The following PIK3C2G variants were observed in gnomAD, a reference collection of about 807,000 sequenced individuals.
The protein encoded by PIK3C2G is phosphatidylinositol-4-phosphate 3-kinase catalytic subunit type 2 gamma.
PIK3C2G carries 168 observed loss-of-function variants against 181.1 expected under a neutral mutation model. The ratio of observed to expected loss-of-function variants is 0.93; its 90% CI spans 0.82 to 1.05. The LOEUF (loss-of-function observed/expected upper bound fraction) is 1.05, where lower values mean the gene tolerates loss of function less well. PIK3C2G is among the 50% of genes least tolerant of loss of function. The pLI, the probability that PIK3C2G is intolerant of heterozygous loss-of-function variation, is 0.00. For missense variants in PIK3C2G, 1,869 were observed against 1,732.8 expected, an observed-to-expected ratio of 1.08 and a Z score of -1.40; for synonymous variants, 573 against 592.2, an observed-to-expected ratio of 0.97 and a Z score of 0.47.
At chr12:18,293,234 T>C (rs540740611) in intron 4 of PIK3C2G, among the ~76,000 whole-genome samples, 1 of 152,252 alleles carries the variant, frequency 6.6e-6, no homozygotes, top group South Asian at 2.1e-4. Flanking sequence ...ACTGTGCTAT[T>C]ATAAATCCTA....
the PIK3C2G span, among the ~76,000 whole-genome samples, chr12:18,673,271 T>C: frequency 3.0e-4 from 45 of 152,106 alleles, no homozygotes; most frequent in African/African-American, 1.1e-3. Flanking sequence ...CCCACTGTAA[T>C]CCCTACAACA....
chr12:18,632,486 T>C (rs1371433192), intron 31 of PIK3C2G, among the ~76,000 whole-genome samples: 1 of 152,124 alleles, frequency 6.6e-6, no homozygotes. Flanking sequence ...GATAGAGATA[T>C]AGAAAACAGA....
At chr12:18,564,557 A>G (rs1418766615) in intron 28 of PIK3C2G, among the ~76,000 whole-genome samples, 1 of 151,990 alleles carries the variant, frequency 6.6e-6, no homozygotes, top group Non-Finnish European at 1.5e-5. Context: ...GAAAAAAAAA[A>G]CTGTACTGGC....
chr12:18,354,141 G>C (rs1021222005), intron 11 of PIK3C2G, among the ~76,000 whole-genome samples: 6 of 152,244 alleles, frequency 3.9e-5, no homozygotes, highest in African/African-American at 1.4e-4. Flanking sequence ...CTTTCTAGGA[G>C]AGTTCAAATA....
Position 18,346,786 on chromosome 12 carries a change from C to T in PIK3C2G, c.1575C>T (p.Leu525=), listed in dbSNP as rs760361982. Residue 525 remains leucine (L), a synonymous_variant, in exon 11 of 33, where the codon CTC becomes CTT. Transcript: ENST00000538779. ...SYLNPGLPSH[L]SFTVYAAHNI... ...TAAATCCCGGGCTTCCTTCCCACCT[C>T]AGCTTCACAGTGTATGCAGCACACA... 3 of 1,613,720 alleles carry T rather than the reference C, an allele frequency of 1.9e-6. No individual in the cohort carries two copies. In the South Asian group the frequency reaches 3.3e-5, roughly 18 times the overall value.
At chr12:18,517,726 CT>C (rs1189491413) in intron 24 of PIK3C2G, among the ~76,000 whole-genome samples, 1 of 152,092 alleles carries the variant, frequency 6.6e-6, no homozygotes, top group Non-Finnish European at 1.5e-5. Context: ...CTCTTTATTT[CT>C]TTTCTTGCCT....
At chr12:18,441,433 A>G (rs1946740977) in intron 18 of PIK3C2G, among the ~76,000 whole-genome samples, 1 of 152,112 alleles carries the variant, frequency 6.6e-6, no homozygotes, top group African/African-American at 2.4e-5. Context: ...TGCTTTTTAA[A>G]TATACTGGTG....
In PIK3C2G at chr12:18,361,037, C is replaced by G. The variant is rs76011760; in HGVS notation, c.1626-1727C>G. On this transcript the variant is annotated intron_variant, in intron 11 of 32. Coordinates refer to ENST00000538779, the MANE Select transcript of PIK3C2G (RefSeq NM_001288772.2). ...TGATATATTGGCCGGCTTGACGGTG[C>G]CCATTATTCTCTTTGGCTTTCTTCA... is the stretch of plus-strand genomic sequence containing the variant. Among the ~76,000 whole-genome samples the G allele has an allele frequency of 2.0e-5, 3 of 151,998 alleles. No individual in the cohort carries two copies. In the East Asian group the frequency reaches 5.8e-4, roughly 29 times the overall value.
At chr12:18,459,670 T>C (rs929842756) in intron 18 of PIK3C2G, among the ~76,000 whole-genome samples, 2 of 152,196 alleles carry the variant, frequency 1.3e-5, no homozygotes, top group South Asian at 4.1e-4. Context: ...TATGCCTAAA[T>C]TGAATGGACA....
chr12:18,611,514 T>G (rs958117427), intron 31 of PIK3C2G, among the ~76,000 whole-genome samples: 2 of 152,104 alleles, frequency 1.3e-5, no homozygotes, highest in Admixed American at 1.3e-4. Flanking sequence ...AATCTACAAT[T>G]CCAGCTTGGA....
chr12:18,455,899 C>A (rs1592304502), intron 18 of PIK3C2G, among the ~76,000 whole-genome samples: 2 of 152,210 alleles, frequency 1.3e-5, no homozygotes, highest in East Asian at 3.9e-4. Context: ...TTCATTATAT[C>A]CTTTAAAGAA....
Position 18,262,054 on chromosome 12 carries a change from T to C in PIK3C2G, c.-79+477T>C, listed in dbSNP as rs1447776779. 7.2e-5 allele frequency among the ~76,000 whole-genome samples: 11 copies of C among 152,236 alleles called. No homozygotes were observed. The East Asian group carries it at 1.2e-3, about 16-fold the overall frequency. ...TTCTTGTTAAATGGAAGGTGGAATT[T>C]CTTAACATATGGGATCCAAACTAGA... On this transcript the variant is annotated intron_variant, in intron 1 of 32. Coordinates refer to ENST00000538779, the MANE Select transcript of PIK3C2G (RefSeq NM_001288772.2).
intron 18 of PIK3C2G, among the ~76,000 whole-genome samples, chr12:18,469,068 C>T (rs924089191): frequency 1.3e-5 from 2 of 152,134 alleles, no homozygotes; most frequent in African/African-American, 2.4e-5. Flanking sequence ...TTATTACACA[C>T]ATTCCTTGAT....
At chr12:18,418,114 C>A (rs182148742) in intron 16 of PIK3C2G, among the ~76,000 whole-genome samples, 1 of 152,248 alleles carries the variant, frequency 6.6e-6, no homozygotes, top group East Asian at 1.9e-4. Context: ...AAACATTGAA[C>A]AATCCTCATC....
chr12:18,331,760 TTTATCA>T (rs1423825395), intron 8 of PIK3C2G, among the ~76,000 whole-genome samples: 5 of 152,092 alleles, frequency 3.3e-5, no homozygotes, highest in African/African-American at 1.2e-4. Flanking sequence ...TTTACAGTCT[TTTATCA>T]TTAAGTGTAA....
chr12:18,338,289 A>G, intron 8 of PIK3C2G, 137 bp from the exon 9 acceptor site: 1 of 662,050 alleles, frequency 1.5e-6, no homozygotes, highest in Non-Finnish European at 2.6e-6. Context: ...AGTCTTGAGA[A>G]CTTTCTTTTT....
chr12:18,667,831 A>T, the PIK3C2G span, among the ~76,000 whole-genome samples: 1 of 152,142 alleles, frequency 6.6e-6, no homozygotes, highest in African/African-American at 2.4e-5. Context: ...ACTCCATGCC[A>T]TTTCCACCAC....
the PIK3C2G span, among the ~76,000 whole-genome samples, chr12:18,719,112 G>A: frequency 6.6e-6 from 1 of 152,106 alleles, no homozygotes; most frequent in African/African-American, 2.4e-5. Context: ...AGCTAAATAA[G>A]AGTCTTCTTC....
chr12:18,530,951 T>C (rs1448597410), intron 24 of PIK3C2G, among the ~76,000 whole-genome samples: 1 of 152,162 alleles, frequency 6.6e-6, no homozygotes, highest in Admixed American at 6.5e-5. Context: ...AGTGTGAGAA[T>C]GGAATAATAC....
Sources: gnomAD v4.1 joint callset for allele counts (sites outside exome capture counted in the v4.1 genomes callset) on GRCh38, gnomAD v4.1.1 for gene constraint, MANE v1.5 for transcripts, NCBI Gene and HGNC (gene_info 2026-07-23, HGNC 2026-07-21) for gene names.